The following ATP2C1 variants were observed in gnomAD, a reference collection of about 807,000 sequenced individuals.
The protein encoded by ATP2C1 is ATPase secretory pathway Ca2+ transporting 1.
In ATP2C1, 31 loss-of-function variants were observed where a neutral mutation model predicts 120.5. That is an observed-to-expected ratio of 0.26 (90% CI 0.19 to 0.35). The LOEUF is 0.35. Ranked by LOEUF, ATP2C1 falls within the 10% of genes least tolerant of loss-of-function variation. The probability of loss-of-function intolerance (pLI) is 1.00; values close to 1 mark genes in which losing one functional copy is unlikely to be tolerated. For missense variants in ATP2C1, 731 were observed against 1,107.5 expected (o/e 0.66, Z 4.83); for synonymous variants, 351 against 358.7 (o/e 0.98, Z 0.24).
chr3:130,892,191 A>T (rs1236735162), upstream of ATP2C1, among the ~76,000 whole-genome samples: 1 of 152,236 alleles, frequency 6.6e-6, no homozygotes, highest in Non-Finnish European at 1.5e-5. Context: ...AAAATGTTTC[A>T]GCTAAAGTGA....
At chr3:130,943,323 C>T (rs943033629) in intron 8 of ATP2C1, among the ~76,000 whole-genome samples, 2 of 152,160 alleles carry the variant, frequency 1.3e-5, no homozygotes, top group African/African-American at 2.4e-5. Flanking sequence ...TCAAGCAATT[C>T]TCCTGCCTCA....
At chr3:130,993,036 T>C in intron 21 of ATP2C1, 35 bp downstream of exon 21, 2 of 1,564,678 alleles carry the variant, frequency 1.3e-6, no homozygotes, top group Non-Finnish European at 1.8e-6. Context: ...TTTATTTCTG[T>C]ATACAAAATG....
intron 8 of ATP2C1, among the ~76,000 whole-genome samples, chr3:130,953,246 A>G (rs978199384): frequency 1.3e-5 from 2 of 152,070 alleles, no homozygotes; most frequent in Non-Finnish European, 2.9e-5. Context: ...GCAGAGTTGG[A>G]AGATATTATG....
rs551920625 is a variant in ATP2C1, at chr3:130,966,621, T to TA, written c.1123-523dup. Among the ~76,000 whole-genome samples the TA allele has an allele frequency of 9.5e-4, 144 of 152,108 alleles. 1 individual carries two copies. The highest frequency in any genetic ancestry group is 1.3e-3 in the Non-Finnish European group (88 of 68,020). On this transcript the variant is annotated intron_variant, in intron 14 of 27. Coordinates refer to ENST00000510168, the MANE Select transcript of ATP2C1 (RefSeq NM_001378687.1). ...CGTTTGGCTTGGTTTGTTCTAGACATATGATATAAATACCTGGTTTGTCTC... is the reference window on the plus strand; with the variant it reads ...CGTTTGGCTTGGTTTGTTCTAGACATAATGATATAAATACCTGGTTTGTCTC...
intron 1 of ATP2C1, among the ~76,000 whole-genome samples, chr3:130,857,105 AT>A (rs2067865414): frequency 6.6e-6 from 1 of 152,248 alleles, no homozygotes; most frequent in Non-Finnish European, 1.5e-5. Flanking sequence ...TGATTATTAA[AT>A]GTGACATTAA....
At chr3:130,899,875 T>C (rs2069995653) in intron 2 of ATP2C1, among the ~76,000 whole-genome samples, 1 of 152,070 alleles carries the variant, frequency 6.6e-6, no homozygotes, top group East Asian at 1.9e-4. Context: ...GCTATAGGTA[T>C]TAGAGAATGT....
chr3:131,001,890 G>GT lies in ATP2C1; in HGVS notation c.*546dup, dbSNP rs1375105804. The GT allele has an allele frequency of 8.1e-6, 8 of 985,670 alleles. No individual in the cohort carries two copies. Among genetic ancestry groups the GT allele is most frequent in the Non-Finnish European group, 9.6e-6 (8 of 829,866 alleles). 61.1% of individuals were successfully genotyped at this position (985,670 alleles called of 1,614,324 possible). ...CCATGTGCTATCATTTTTGTATCAA[G>GT]TTTTTTGCACAGGATGTGACCACTG... On this transcript the variant is annotated 3_prime_UTR_variant, in exon 28 of 28. Transcript: ENST00000510168.
intron 18 of ATP2C1, among the ~76,000 whole-genome samples, 184 bp downstream of exon 18, chr3:130,975,672 G>A (rs191756595): frequency 2.0e-5 from 3 of 152,336 alleles, no homozygotes; most frequent in East Asian, 3.9e-4. Flanking sequence ...ATTTGAGAAT[G>A]TAGCAAAATA....
In ATP2C1 at chr3:130,975,409, G is replaced by T. The variant is rs2061495106; in HGVS notation, c.1491G>T (p.Gly497=). 1 of 1,613,754 alleles carries T rather than the reference G, an allele frequency of 6.2e-7. No individual in the cohort carries two copies. ...IKYCTTYQSK[G]QTLTLTQQQR... Reference sequence around the variant, plus strand: ...ACTGTACTACATACCAGAGCAAAGGGCAGACCTTGACACTTACTCAGCAGC... The same window carrying T: ...ACTGTACTACATACCAGAGCAAAGGTCAGACCTTGACACTTACTCAGCAGC... Residue 497 remains glycine (G), a synonymous_variant, in exon 18 of 28, where the codon GGG becomes GGT. Transcript: ENST00000510168.
At chr3:131,009,761 T>C (rs1388010620) in intron 26 of ATP2C1, among the ~76,000 whole-genome samples, 2 of 152,200 alleles carry the variant, frequency 1.3e-5, no homozygotes, top group Non-Finnish European at 2.9e-5. Flanking sequence ...GTAATGTTTT[T>C]AATACATTTT....
chr3:130,899,098 A>G (rs1039480899), intron 2 of ATP2C1, among the ~76,000 whole-genome samples: 1 of 152,150 alleles, frequency 6.6e-6, no homozygotes, highest in African/African-American at 2.4e-5. Flanking sequence ...CCATCATTTC[A>G]TGAAAGAAAG....
chr3:130,961,939 AC>A (rs776534982), intron 12 of ATP2C1, among the ~76,000 whole-genome samples: 21 of 152,034 alleles, frequency 1.4e-4, no homozygotes, highest in Non-Finnish European at 2.6e-4. Context: ...ATCTTCTCAA[AC>A]ACCTTAATTT....
chr3:131,014,123 G>T lies in ATP2C1; in HGVS notation c.2630-2029G>T, dbSNP rs764428952. On this transcript the variant is annotated intron_variant, in intron 26 of 26. Coordinates refer to the ATP2C1 transcript ENST00000328560. ...CAACCATTAACAACCCAAACCGGTT[G>T]TTTCCCTCATACCAACACTTGGTGT... is the stretch of plus-strand genomic sequence containing the variant. The T allele has an allele frequency of 8.1e-6, 13 of 1,611,738 alleles. No homozygotes were observed. The East Asian group carries it at 2.9e-4, about 36-fold the overall frequency.
chr3:130,977,228 G>C (rs1037868249), intron 18 of ATP2C1, among the ~76,000 whole-genome samples: 4 of 152,006 alleles, frequency 2.6e-5, no homozygotes, highest in African/African-American at 9.7e-5. Context: ...TGGTGCAGAG[G>C]GCCTGTTACT....
intron 8 of ATP2C1, among the ~76,000 whole-genome samples, chr3:130,948,908 A>G (rs1026207558): frequency 8.5e-5 from 13 of 152,292 alleles, no homozygotes; most frequent in Admixed American, 1.3e-4. Flanking sequence ...GTTTTGGGGC[A>G]TCATTAACGA....
At chr3:130,891,132 C>G (rs2069153940), upstream of ATP2C1, among the ~76,000 whole-genome samples, 1 of 152,122 alleles carries the variant, frequency 6.6e-6, no homozygotes, top group African/African-American at 2.4e-5. Flanking sequence ...AATTTCTTTT[C>G]TAGCAGCTAG....
At chr3:130,923,074 A>G (rs1046325932) in intron 2 of ATP2C1, among the ~76,000 whole-genome samples, 2 of 152,086 alleles carry the variant, frequency 1.3e-5, no homozygotes, top group African/African-American at 4.8e-5. Context: ...TTCCCTCACT[A>G]TTATTGTGTT....
chr3:131,010,085 G>A (rs1269790533), intron 26 of ATP2C1, among the ~76,000 whole-genome samples: 2 of 152,108 alleles, frequency 1.3e-5, no homozygotes, highest in East Asian at 1.9e-4. Flanking sequence ...ACTGGGTTTG[G>A]CCTCCTTAGG....
chr3:131,016,442 T>A, exon 27 of ATP2C1: 2 of 1,287,554 alleles, frequency 1.6e-6, no homozygotes, highest in Non-Finnish European at 1.1e-6. Context: ...GAAATTAATT[T>A]AAAAAAACTA....
Sources: gnomAD v4.1 joint callset for allele counts (sites outside exome capture counted in the v4.1 genomes callset) on GRCh38, gnomAD v4.1.1 for gene constraint, MANE v1.5 for transcripts, NCBI Gene and HGNC (gene_info 2026-07-23, HGNC 2026-07-21) for gene names.